The following PPARGC1A variants were observed in gnomAD, a reference collection of about 807,000 sequenced individuals.
PPARGC1A encodes the protein PPARG coactivator 1 alpha, also known as peroxisome proliferator-activated receptor gamma coactivator 1-alpha.
PPARGC1A carries 25 observed loss-of-function variants against 88.7 expected under a neutral mutation model. The ratio of observed to expected loss-of-function variants is 0.28; its 90% CI spans 0.21 to 0.39. PPARGC1A has a LOEUF of 0.39. Among genes scored for constraint, PPARGC1A ranks in the 10% least tolerant of loss-of-function variants. PPARGC1A has a pLI of 1.00. For synonymous variants in PPARGC1A, 363 were observed against 355.6 expected (o/e 1.02, Z -0.24); for missense variants, 880 against 968.7 (o/e 0.91, Z 1.22).
chr4:23,986,830 C>T, the PPARGC1A span, among the ~76,000 whole-genome samples: 11 of 151,948 alleles, frequency 7.2e-5, no homozygotes, highest in African/African-American at 2.4e-4. Flanking sequence ...TGAGCCTCCA[C>T]GTTAAATAAA....
At chr4:24,130,687 C>T in the PPARGC1A span, among the ~76,000 whole-genome samples, 1 of 152,168 alleles carries the variant, frequency 6.6e-6, no homozygotes, top group Admixed American at 6.5e-5. Context: ...CACTTCACAT[C>T]TCCAGACCTG....
the PPARGC1A span, among the ~76,000 whole-genome samples, chr4:23,979,873 T>G: frequency 6.6e-5 from 10 of 152,230 alleles, no homozygotes; most frequent in African/African-American, 2.2e-4. Context: ...ATCTCCTCTC[T>G]CCTCTGCTCA....
chr4:23,983,172 T>C, the PPARGC1A span, among the ~76,000 whole-genome samples: 1 of 152,132 alleles, frequency 6.6e-6, no homozygotes. Context: ...TGGCAAAATG[T>C]AGTCATTGTA....
At chr4:23,976,286 G>C in the PPARGC1A span, among the ~76,000 whole-genome samples, 2 of 152,252 alleles carry the variant, frequency 1.3e-5, no homozygotes, top group Middle Eastern at 3.4e-3. Context: ...CTGTAGGCTT[G>C]GGACCCTGAA....
the PPARGC1A span, among the ~76,000 whole-genome samples, chr4:24,127,869 A>G: frequency 6.6e-6 from 1 of 152,150 alleles, no homozygotes; most frequent in African/African-American, 2.4e-5. Flanking sequence ...ATGCATCAAA[A>G]TCCAGCCTTA....
chr4:24,060,332 C>A, the PPARGC1A span, among the ~76,000 whole-genome samples: 6 of 152,168 alleles, frequency 3.9e-5, no homozygotes, highest in Non-Finnish European at 8.8e-5. Flanking sequence ...AGGAAATATA[C>A]CCCGTTAAAC....
At chr4:23,922,398 A>G in the PPARGC1A span, among the ~76,000 whole-genome samples, 1 of 152,192 alleles carries the variant, frequency 6.6e-6, no homozygotes, top group Non-Finnish European at 1.5e-5. Context: ...TAACCATCGA[A>G]GCGTTTCTCC....
chr4:24,294,385 A>AT, the PPARGC1A span, among the ~76,000 whole-genome samples: 1 of 152,194 alleles, frequency 6.6e-6, no homozygotes, highest in African/African-American at 2.4e-5. Flanking sequence ...GGAAGGCTTA[A>AT]TTTTTATGAG....
chr4:23,814,493 C>G lies in PPARGC1A; in HGVS notation c.990G>C (p.Lys330Asn), dbSNP rs1414798473. The change falls in exon 8 of 13, where the codon AAG (lysine) becomes AAC (asparagine). Residue 330 changes from lysine (K) to asparagine (N), a missense_variant. Lys to Asn is a moderately conservative substitution (Grantham distance 94, BLOSUM62 0). Transcript: ENST00000264867. ...TACCAGAAGACTCACTGTACCTGGGCTTCTTTGATGGTGGTGGCACCACAG... is the reference window on the plus strand; with the variant it reads ...TACCAGAAGACTCACTGTACCTGGGGTTCTTTGATGGTGGTGGCACCACAG... Reference protein sequence around the residue: ...CKTVVPPPSKKPRYSESSGTQ... With the variant: ...CKTVVPPPSKNPRYSESSGTQ... 2.5e-6 allele frequency: 4 copies of G among 1,613,372 alleles called. No homozygotes were observed. The highest frequency in any genetic ancestry group is 2.5e-6 in the Non-Finnish European group (3 of 1,179,862).
the PPARGC1A span, among the ~76,000 whole-genome samples, chr4:24,339,237 T>TACACACACACAC: frequency 3.6e-4 from 38 of 104,296 alleles, no homozygotes; most frequent in African/African-American, 1.5e-3. Context: ...TATATATATA[T>TACACACACACAC]ACACACACAC....
At chr4:24,040,829 G>A in the PPARGC1A span, among the ~76,000 whole-genome samples, 2 of 151,960 alleles carry the variant, frequency 1.3e-5, no homozygotes, top group Admixed American at 6.6e-5. Context: ...TTCCTTAAAC[G>A]TTTTCCCAAC....
At chr4:24,386,378 G>A in the PPARGC1A span, among the ~76,000 whole-genome samples, 1 of 152,108 alleles carries the variant, frequency 6.6e-6, no homozygotes, top group Admixed American at 6.5e-5. Flanking sequence ...CATAGTATTC[G>A]AAGTTCTGGA....
the PPARGC1A span, among the ~76,000 whole-genome samples, chr4:23,944,551 A>G: frequency 6.6e-6 from 1 of 152,190 alleles, no homozygotes; most frequent in South Asian, 2.1e-4. Context: ...TCAGATTCCA[A>G]AACACTGTTG....
At chr4:23,864,584 C>T (rs1297219117) in intron 2 of PPARGC1A, among the ~76,000 whole-genome samples, 1 of 152,182 alleles carries the variant, frequency 6.6e-6, no homozygotes, top group Non-Finnish European at 1.5e-5. Flanking sequence ...GGTGAACATG[C>T]ACTCAAGAAC....
At chr4:24,152,005 A>G in the PPARGC1A span, among the ~76,000 whole-genome samples, 1 of 152,236 alleles carries the variant, frequency 6.6e-6, no homozygotes, top group Non-Finnish European at 1.5e-5. Context: ...GCCTGGTGGC[A>G]GAGAGATGCT....
chr4:24,085,130 T>A, the PPARGC1A span, among the ~76,000 whole-genome samples: 1 of 151,972 alleles, frequency 6.6e-6, no homozygotes, highest in Non-Finnish European at 1.5e-5. Flanking sequence ...AAGAAACAAA[T>A]CCTTCCCTGA....
chr4:24,051,345 G>C, the PPARGC1A span, among the ~76,000 whole-genome samples: 3 of 152,110 alleles, frequency 2.0e-5, no homozygotes, highest in Non-Finnish European at 4.4e-5. Context: ...ATATTTGAGA[G>C]AAATGAAACA....
chr4:24,002,529 G>A, the PPARGC1A span, among the ~76,000 whole-genome samples: 77 of 151,494 alleles, frequency 5.1e-4, 1 homozygote, highest in Admixed American at 2.2e-3. Context: ...AGCCGCAAAG[G>A]TTTAAAAAGA....
At chr4:24,087,311 CA>C in the PPARGC1A span, among the ~76,000 whole-genome samples, 4 of 152,180 alleles carry the variant, frequency 2.6e-5, no homozygotes, top group Non-Finnish European at 5.9e-5. Flanking sequence ...TTAGTTTTGA[CA>C]AACATTCATC....
Sources: gnomAD v4.1 joint callset for allele counts (sites outside exome capture counted in the v4.1 genomes callset) on GRCh38, gnomAD v4.1.1 for gene constraint, MANE v1.5 for transcripts, NCBI Gene and HGNC (gene_info 2026-07-23, HGNC 2026-07-21) for gene names.